The following CRYBG2 variants were observed in gnomAD, a reference collection of about 807,000 sequenced individuals.
The protein encoded by CRYBG2 is crystallin beta-gamma domain containing 2.
In CRYBG2, 106 loss-of-function variants were observed where a neutral mutation model predicts 153.4. The ratio of observed to expected loss-of-function variants is 0.69; its 90% confidence interval spans 0.59 to 0.81. The LOEUF (loss-of-function observed/expected upper bound fraction) is 0.81. CRYBG2 is among the 30% of genes least tolerant of loss of function. CRYBG2 has a pLI of 0.00. For synonymous variants in CRYBG2, 851 were observed against 877.8 expected (o/e 0.97, Z 0.54); for missense variants, 1,996 against 2,112.0 (o/e 0.95, Z 1.08).
In CRYBG2 at chr1:26,345,000, C is replaced by G. The variant is rs1221353042; in HGVS notation, c.1658G>C (p.Gly553Ala). 1 of 1,243,020 alleles carries G rather than the reference C, an allele frequency of 8.0e-7. No individual in the cohort carries two copies. Among genetic ancestry groups the G allele is most frequent in the Admixed American group, 2.5e-5 (1 of 39,770 alleles). The allele number at this position is 1,243,020 out of a possible 1,614,324, so 77.0% of individuals were successfully genotyped here. The change falls in exon 2 of 20, where the codon GGT becomes GCT. Residue 553 changes from glycine to alanine, a missense_variant. Gly to Ala is a moderately conservative substitution (Grantham distance 60, BLOSUM62 0). Transcript: ENST00000308182. Reference protein sequence around the residue: ...PTWKEVVKGPGAPAASSPTQK... With the variant: ...PTWKEVVKGPAAPAASSPTQK... ...GGTGGGGGATGAGGCAGCAGGAGCA[C>G]CAGGGCCCTTCACAACCTCTTTCCA...
intron 1 of CRYBG2, among the ~76,000 whole-genome samples, chr1:26,352,204 CACAG>C (rs1003017385): frequency 3.3e-5 from 5 of 152,150 alleles, no homozygotes; most frequent in Non-Finnish European, 7.4e-5. Context: ...GGCACAGACA[CACAG>C]ACAGATACCG....
Position 26,344,018 on chromosome 1 carries a change from T to C in CRYBG2, c.2640A>G (p.Val880=), listed in dbSNP as rs940969500. The change falls in exon 2 of 20, where the codon GTA becomes GTG. Residue 880 remains valine, a synonymous_variant. Transcript: ENST00000308182. The part of the protein sequence containing the change: ...CSPLEMMKKH[V]AGTKGPHSEL... ...CTGAGTGGGGGCCCTTGGTTCCTGC[T>C]ACATGCTTCTTCATCATCTCCAGAG... 2.7e-5 allele frequency: 42 copies of C among 1,536,074 alleles called. No homozygotes were observed. The highest frequency in any genetic ancestry group is 3.7e-5 in the Non-Finnish European group (42 of 1,146,910).
At chr1:26,338,317 ACCT>A in intron 7 of CRYBG2, 31 bp downstream of exon 7, 1 of 1,558,268 alleles carries the variant, frequency 6.4e-7, no homozygotes, top group Non-Finnish European at 8.7e-7. Context: ...CAGAGCCTAG[ACCT>A]CCTGGCCTGT....
intron 8 of CRYBG2, 97 bp from the exon 9 acceptor site, chr1:26,337,771 C>T (rs1043168592): frequency 2.7e-5 from 40 of 1,494,158 alleles, no homozygotes; most frequent in South Asian, 5.0e-5. Context: ...TGGCACCCCC[C>T]AGCCCTCCCA....
intron 1 of CRYBG2, among the ~76,000 whole-genome samples, chr1:26,348,907 G>A (rs1486530417): frequency 1.3e-5 from 2 of 151,506 alleles, no homozygotes; most frequent in African/African-American, 4.8e-5. Flanking sequence ...GGTGGCTCAC[G>A]CCTGTAATCC....
At chr1:26,333,014 CAAAAAAAAAAAAAAAA>C (rs59155910) in intron 14 of CRYBG2, among the ~76,000 whole-genome samples, 2 of 71,912 alleles carry the variant, frequency 2.8e-5, no homozygotes, top group African/African-American at 5.0e-5. Flanking sequence ...CACCAAACCC[CAAAAAAAAAAAAAAAA>C]AAAAAAAAAA....
At position 26,338,470 on chromosome 1, in the gene CRYBG2, G is replaced by T; in HGVS notation, c.3352C>A (p.Leu1118Met). The part of the protein sequence containing the change: ...SATVSAGLWL[L>M]YPKPLFEDTP... ...TCTTCGAATAATGGTTTGGGGTACA[G>T]TAGCCACCTAGGGGAAACAGAGAGG... Residue 1118 changes from leucine (L) to methionine (M), a missense_variant, in exon 7 of 20, where the codon CTG becomes ATG. Transcript: ENST00000308182. 1 of 1,607,450 alleles carries T rather than the reference G, an allele frequency of 6.2e-7. No homozygotes were observed.
chr1:26,333,637 G>C (rs186369866), intron 14 of CRYBG2, among the ~76,000 whole-genome samples: 23 of 152,084 alleles, frequency 1.5e-4, no homozygotes, highest in African/African-American at 5.3e-4. Context: ...AACACAGCAA[G>C]AAGGTGGCCT....
At position 26,338,382 on chromosome 1, in the gene CRYBG2, G is replaced by T; in HGVS notation, c.3440C>A (p.Pro1147His). The stretch of plus-strand genomic sequence containing the variant: ...CATGGGCTTCAGGGAGCCCACGCTG[G>T]GGTCCGATGTGCCCCAGGCCTCTGA... ...PTSEAWGTSD[P>H]SVGSLKPMRL... The change falls in exon 7 of 20, where the codon CCC becomes CAC. Residue 1147 changes from proline to histidine, a missense_variant. Physicochemically the swap from Pro to His is moderately conservative, Grantham distance 77. Coordinates refer to ENST00000308182, the MANE Select transcript of CRYBG2 (RefSeq NM_001039775.4). The T allele has an allele frequency of 6.2e-7, 1 of 1,611,610 alleles. No individual in the cohort carries two copies.
chr1:26,343,417 T>C lies in CRYBG2; in HGVS notation c.2914-124A>G, dbSNP rs1235015087. The C allele has an allele frequency of 8.4e-7, 1 of 1,184,358 alleles. No homozygotes were observed. Among genetic ancestry groups the C allele is most frequent in the South Asian group, 1.3e-5 (1 of 75,044 alleles). The allele number at this position is 1,184,358 out of a possible 1,614,324, so 73.4% of individuals were successfully genotyped here. A position where few individuals can be genotyped will look rare whatever the true frequency, so the allele number is the denominator to read the frequency against. The stretch of plus-strand genomic sequence containing the variant: ...CCTCCACCCGCAAGGAGCTGGCGCA[T>C]AGAGGATGCTCACACTTGTTCCCAA... On this transcript the variant is annotated intron_variant, in intron 2 of 19. Coordinates refer to ENST00000308182, the MANE Select transcript of CRYBG2 (RefSeq NM_001039775.4). This position sits in a 1 kb window ranked among gnomAD's most constrained non-coding sequence, Gnocchi z 4.1.
Position 26,343,985 on chromosome 1 carries a change from T to A in CRYBG2, c.2673A>T (p.Gly891=), listed in dbSNP as rs1386986013. Residue 891 remains glycine (G), a synonymous_variant, in exon 2 of 20, where the codon GGA becomes GGT. Transcript: ENST00000308182. The surrounding 1 kb of genome is among the most constrained non-coding windows in gnomAD (Gnocchi z 4.1). ...AGTKGPHSEL[G]LELQGGSRPT... ...GCCTGCTGCCTCCCTGCAGTTCCAATCCCAGCTCTGAGTGGGGGCCCTTGG... is the reference window on the plus strand; with the variant it reads ...GCCTGCTGCCTCCCTGCAGTTCCAAACCCAGCTCTGAGTGGGGGCCCTTGG... 1 of 1,536,612 alleles carries A rather than the reference T, an allele frequency of 6.5e-7. No homozygotes were observed.
In CRYBG2 at chr1:26,336,018, A is replaced by G. The variant is rs1465449496; in HGVS notation, c.4184+77T>C. The G allele has an allele frequency of 8.2e-7, 1 of 1,217,026 alleles. No individual in the cohort carries two copies. The highest frequency in any genetic ancestry group is 1.1e-6 in the Non-Finnish European group (1 of 892,910). The allele number at this position is 1,217,026 out of a possible 1,614,324, so 75.4% of individuals were successfully genotyped here. A position where few individuals can be genotyped will look rare whatever the true frequency, so the allele number is the denominator to read the frequency against. On this transcript the variant is annotated intron_variant, in intron 14 of 19. Transcript: ENST00000308182. This position sits in a 1 kb window ranked among gnomAD's most constrained non-coding sequence, Gnocchi z 4.9. The stretch of plus-strand genomic sequence containing the variant: ...ATCGCAAGGTAGCCAAAGGAAGGAA[A>G]TCATTTGAAAGACTCTCCTCCTGCA...
At chr1:26,329,000 T>G in intron 15 of CRYBG2, 127 bp from the exon 16 acceptor site, 1 of 1,175,750 alleles carries the variant, frequency 8.5e-7, no homozygotes, top group South Asian at 1.4e-5. Context: ...AGCTCAGTTC[T>G]GCAGGGCCAC....
rs756241183 is a variant in CRYBG2, at chr1:26,331,519, T to G, written c.4284A>C (p.Thr1428=). The change falls in exon 15 of 20, where the codon ACA becomes ACC. Residue 1428 remains threonine (T), a synonymous_variant. Transcript: ENST00000308182. Reference sequence around the variant, plus strand: ...ATACCTTCTGGAGAGAGCCCAGGACTGTGGAGGCGAGGCAGCCCATGGCCG... The same window carrying G: ...ATACCTTCTGGAGAGAGCCCAGGACGGTGGAGGCGAGGCAGCCCATGGCCG... The part of the protein sequence containing the change: ...TLTAMGCLAS[T]VLGSLQKVSL... 7 of 1,613,976 alleles carry G rather than the reference T, an allele frequency of 4.3e-6. No homozygotes were observed. In the African/African-American group the frequency reaches 9.3e-5, roughly 22 times the overall value.
chr1:26,332,982 CAA>C (rs1204737041), intron 14 of CRYBG2, among the ~76,000 whole-genome samples: 1 of 76,888 alleles, frequency 1.3e-5, no homozygotes, highest in Non-Finnish European at 2.3e-5. Flanking sequence ...TTAACAACAA[CAA>C]AAAAGCCAGT....
At chr1:26,341,734 A>G (rs1280182058) in intron 5 of CRYBG2, among the ~76,000 whole-genome samples, 1 of 152,040 alleles carries the variant, frequency 6.6e-6, no homozygotes, top group Non-Finnish European at 1.5e-5. Context: ...TGATCCCCCA[A>G]CTTGGCCTCC....
Position 26,345,975 on chromosome 1 carries a change from G to C in CRYBG2, c.683C>G (p.Ser228Trp), listed in dbSNP as rs1215110815. 5.0e-6 allele frequency: 8 copies of C among 1,593,336 alleles called. No individual in the cohort carries two copies. Among genetic ancestry groups the C allele is most frequent in the Non-Finnish European group, 5.9e-6 (7 of 1,177,036 alleles). ...TTTCACGGCCTGGCTGCGGCTGGGC[G>C]AGCCTGGTGGGGAGCCCACCACCAC... is the stretch of plus-strand genomic sequence containing the variant. ...PPVVVGSPPGSPSRSQAVKVL... is the reference protein window; with the variant it reads ...PPVVVGSPPGWPSRSQAVKVL... The change falls in exon 2 of 20, where the codon TCG becomes TGG. Residue 228 changes from serine (S) to tryptophan (W), a missense_variant. Ser to Trp is a radical substitution (Grantham distance 177). Coordinates refer to ENST00000308182, the MANE Select transcript of CRYBG2 (RefSeq NM_001039775.4).
At position 26,338,190 on chromosome 1, in the gene CRYBG2, C is replaced by T. The variant is rs1279606717; in HGVS notation, c.3472-143G>A. The T allele has an allele frequency of 5.7e-6, 8 of 1,396,884 alleles. No individual in the cohort carries two copies. The Admixed American group carries it at 1.2e-4, about 20-fold the overall frequency. 86.5% of individuals were successfully genotyped at this position (1,396,884 alleles called of 1,614,324 possible). Reference sequence around the variant, plus strand: ...CCTCTTAGGTTAATCCCTACCTCTCCTCCCACTCCCATTCCCAATAGAAGC... The same window carrying T: ...CCTCTTAGGTTAATCCCTACCTCTCTTCCCACTCCCATTCCCAATAGAAGC... On this transcript the variant is annotated intron_variant, in intron 7 of 19. Coordinates refer to ENST00000308182, the MANE Select transcript of CRYBG2 (RefSeq NM_001039775.4).
chr1:26,337,477 C>T (rs2074076172), intron 9 of CRYBG2, 61 bp downstream of exon 9: 1 of 1,603,254 alleles, frequency 6.2e-7, no homozygotes, highest in Admixed American at 1.7e-5. Flanking sequence ...CAGGTCACTC[C>T]CCACTCCCAA....
Sources: allele counts gnomAD v4.1 joint callset (sites outside exome capture counted in the v4.1 genomes callset), GRCh38; gene constraint gnomAD v4.1.1; non-coding constraint Gnocchi (gnomAD v3.1); transcripts MANE v1.5; gene names NCBI Gene and HGNC (gene_info 2026-07-23, HGNC 2026-07-21).